Variants in PRDM16 observed in about 807,000 individuals in gnomAD.
The protein encoded by PRDM16 is PR/SET domain 16.
A neutral mutation model predicts 110.6 loss-of-function variants in PRDM16; 23 were observed. That is an observed-to-expected ratio of 0.21 (90% CI 0.15 to 0.29). The LOEUF is 0.29. Among genes scored for constraint, PRDM16 ranks in the 10% least tolerant of loss-of-function variants. PRDM16 has a pLI of 1.00. For synonymous variants in PRDM16, 799 were observed against 781.8 expected (o/e 1.02, Z -0.37); for missense variants, 1,615 against 1,794.3 (o/e 0.90, Z 1.81).
chr1:3,349,317 G>A (rs536329722), intron 3 of PRDM16, among the ~76,000 whole-genome samples: 1 of 152,174 alleles, frequency 6.6e-6, no homozygotes, highest in Non-Finnish European at 1.5e-5. Context: ...CCGGCACGCT[G>A]TGAGTGATAA....
intron 2 of PRDM16, among the ~76,000 whole-genome samples, chr1:3,228,354 A>G (rs1237871268): frequency 6.6e-6 from 1 of 152,228 alleles, no homozygotes; most frequent in Non-Finnish European, 1.5e-5. Context: ...CCCCACCCCC[A>G]GAAAATTCTG....
At chr1:3,388,810 C>T (rs1452247767) in intron 4 of PRDM16, among the ~76,000 whole-genome samples, 1 of 152,198 alleles carries the variant, frequency 6.6e-6, no homozygotes, top group Non-Finnish European at 1.5e-5. Flanking sequence ...GAGTCACACA[C>T]CTCCTTCAGC....
chr1:3,344,901 T>G (rs896475534), intron 3 of PRDM16, among the ~76,000 whole-genome samples: 3 of 152,246 alleles, frequency 2.0e-5, no homozygotes, highest in Non-Finnish European at 4.4e-5. Flanking sequence ...AAGCAGCAAG[T>G]GAAATCTCTG....
chr1:3,183,535 C>A (rs144828934), intron 1 of PRDM16, among the ~76,000 whole-genome samples: 1 of 152,212 alleles, frequency 6.6e-6, no homozygotes, highest in South Asian at 2.1e-4. Context: ...CAAAATGAGA[C>A]GGGTTTTTCC....
chr1:3,243,175 G>A lies in PRDM16; in HGVS notation c.388-912G>A, dbSNP rs1386033610. 6.6e-6 allele frequency among the ~76,000 whole-genome samples: 1 copy of A among 152,196 alleles called. No individual in the cohort carries two copies. The highest frequency in any genetic ancestry group is 2.1e-4 in the South Asian group (1 of 4,834). ...TGTCCACACGTGGGTGAGGGGGTGG[G>A]AGCTCCTGTGTGGCCCACAGCCCGC... On this transcript the variant is annotated intron_variant, in intron 2 of 16. Coordinates refer to ENST00000270722, the MANE Select transcript of PRDM16 (RefSeq NM_022114.4). The surrounding 1 kb of genome is among the most constrained non-coding windows in gnomAD (Gnocchi z 5.5).
At chr1:3,397,896 G>C (rs1253557904) in intron 5 of PRDM16, among the ~76,000 whole-genome samples, 2 of 152,180 alleles carry the variant, frequency 1.3e-5, no homozygotes, top group Non-Finnish European at 2.9e-5. Context: ...GGCCCAGCTA[G>C]CTGGGTCCTT....
chr1:3,295,982 A>G (rs1641080673), intron 3 of PRDM16, among the ~76,000 whole-genome samples: 1 of 152,098 alleles, frequency 6.6e-6, no homozygotes, highest in South Asian at 2.1e-4. Context: ...GGAATGTTCC[A>G]GAAGGCCTGG....
At chr1:3,222,063 G>C (rs1569870660) in intron 2 of PRDM16, among the ~76,000 whole-genome samples, 1 of 152,226 alleles carries the variant, frequency 6.6e-6, no homozygotes, top group Non-Finnish European at 1.5e-5. Flanking sequence ...GCCCCGTGCT[G>C]GCAGGAAGTG....
chr1:3,180,713 AGACCCTTCCTCCT>A (rs201293311), intron 1 of PRDM16, among the ~76,000 whole-genome samples: 1 of 132,600 alleles, frequency 7.5e-6, no homozygotes, highest in East Asian at 3.0e-4. Context: ...AGCAGACGGG[AGACCCTTCCTCCT>A]GAGGGGTCTC....
At chr1:3,114,191 A>ACACGCACACACGCACACGCACGCG (rs1553127265) in intron 1 of PRDM16, among the ~76,000 whole-genome samples, 13 of 131,798 alleles carry the variant, frequency 9.9e-5, no homozygotes, top group South Asian at 2.5e-4. Flanking sequence ...ACACGCACAC[A>ACACGCACACACGCACACGCACGCG]CGCACACGCA....
rs1374851455 is a variant in PRDM16 at position 3,069,935 on chromosome 1, A to G, written c.37+639A>G. Among the ~76,000 whole-genome samples, 1 of 151,658 alleles carries G rather than the reference A, an allele frequency of 6.6e-6. No homozygotes were observed. The highest frequency in any genetic ancestry group is 1.5e-5 in the Non-Finnish European group (1 of 67,912). On this transcript the variant is annotated intron_variant, in intron 1 of 16. Transcript: ENST00000270722. This position sits in a 1 kb window ranked among gnomAD's most constrained non-coding sequence, Gnocchi z 6.1. ...GCGGGACAGCCGCAGCCACTTGGGG[A>G]GCAAAATGGAGACTTTTGCCCGGGC...
Position 3,103,159 on chromosome 1 carries a change from G to A in PRDM16, c.37+33863G>A, listed in dbSNP as rs545865891. ...CCGACCACCACGCCTGTCCTGGTGA[G>A]CTGGGGCGGCTGTAACCAAGTACCT... On this transcript the variant is annotated intron_variant, in intron 1 of 16. Transcript: ENST00000270722. Among the ~76,000 whole-genome samples the A allele has an allele frequency of 1.4e-4, 22 of 152,336 alleles. No homozygotes were observed. The South Asian group carries it at 4.6e-3, about 32-fold the overall frequency.
intron 3 of PRDM16, among the ~76,000 whole-genome samples, chr1:3,313,315 C>T (rs904207672): frequency 1.1e-4 from 16 of 152,216 alleles, no homozygotes; most frequent in South Asian, 6.2e-4. Context: ...CAGCGCCGAG[C>T]GGTGAGTCAG....
At chr1:3,279,685 A>G (rs1640668252) in intron 3 of PRDM16, among the ~76,000 whole-genome samples, 1 of 152,126 alleles carries the variant, frequency 6.6e-6, no homozygotes, top group Admixed American at 6.5e-5. Flanking sequence ...AGGAGGGCAG[A>G]GGGTCGGGGG....
intron 3 of PRDM16, among the ~76,000 whole-genome samples, chr1:3,261,147 A>AC (rs1557564556): frequency 6.8e-6 from 1 of 147,072 alleles, no homozygotes; most frequent in African/African-American, 2.5e-5. Context: ...AAAAAACAGG[A>AC]AGAGGCAGAA....
intron 2 of PRDM16, among the ~76,000 whole-genome samples, chr1:3,239,729 G>C (rs1639617766): frequency 6.6e-6 from 1 of 152,122 alleles, no homozygotes; most frequent in African/African-American, 2.4e-5. Flanking sequence ...CAGGAGAATT[G>C]CTTGAGCCCA....
chr1:3,145,625 T>C (rs2100710359), intron 1 of PRDM16, among the ~76,000 whole-genome samples: 1 of 152,292 alleles, frequency 6.6e-6, no homozygotes, highest in South Asian at 2.1e-4. Flanking sequence ...ATGAGCCTCC[T>C]GCAGAGATGT....
chr1:3,248,702 A>T (rs534349468), intron 3 of PRDM16, among the ~76,000 whole-genome samples: 1 of 152,338 alleles, frequency 6.6e-6, no homozygotes, highest in East Asian at 1.9e-4. Context: ...ACAGGTCATA[A>T]AAGTCGTCTG....
At chr1:3,325,694 T>A (rs186471344) in intron 3 of PRDM16, among the ~76,000 whole-genome samples, 114 of 152,290 alleles carry the variant, frequency 7.5e-4, no homozygotes, top group African/African-American at 2.5e-3. Context: ...TGAGGGAGAC[T>A]CTGTCCCCAG....
Sources: gnomAD v4.1 joint callset for allele counts (sites outside exome capture counted in the v4.1 genomes callset) on GRCh38, gnomAD v4.1.1 for gene constraint, Gnocchi (gnomAD v3.1) non-coding constraint, MANE v1.5 for transcripts, NCBI Gene and HGNC (gene_info 2026-07-23, HGNC 2026-07-21) for gene names.